The following MYRIP variants were observed in gnomAD, a reference collection of about 807,000 sequenced individuals.
MYRIP encodes myosin VIIA and Rab interacting protein.
In MYRIP, 49 loss-of-function variants were observed where a neutral mutation model predicts 98.0. That is an observed-to-expected ratio of 0.50 (90% confidence interval 0.40 to 0.63). The LOEUF (loss-of-function observed/expected upper bound fraction) is 0.63, where lower values mean the gene tolerates loss of function less well. Ranked by LOEUF, MYRIP falls within the 30% of genes least tolerant of loss-of-function variation. The probability of loss-of-function intolerance (pLI) is 0.00; values close to 1 mark genes in which losing one functional copy is unlikely to be tolerated. For synonymous variants in MYRIP, 404 were observed against 409.5 expected, an observed-to-expected ratio of 0.99 and a Z score of 0.16; for missense variants, 1,004 against 1,058.2, an observed-to-expected ratio of 0.95 and a Z score of 0.71.
chr3:40,021,340 A>G (rs557488043), intron 2 of MYRIP, among the ~76,000 whole-genome samples: 2 of 152,314 alleles, frequency 1.3e-5, no homozygotes, highest in South Asian at 4.1e-4. Flanking sequence ...GAGACTTGGC[A>G]TCTCTCCACA....
intron 1 of MYRIP, among the ~76,000 whole-genome samples, chr3:39,819,779 C>A (rs761285805): frequency 6.6e-6 from 1 of 152,200 alleles, no homozygotes; most frequent in African/African-American, 2.4e-5. Context: ...TTCCAACTTA[C>A]CCTGAGGATG....
chr3:40,077,143 G>C (rs1252948587), intron 3 of MYRIP, among the ~76,000 whole-genome samples: 1 of 152,092 alleles, frequency 6.6e-6, no homozygotes, highest in Admixed American at 6.5e-5. Flanking sequence ...GGTCTCGCTG[G>C]CTTCAGGAGT....
At chr3:40,135,167 C>T (rs899751703) in intron 3 of MYRIP, among the ~76,000 whole-genome samples, 2 of 152,102 alleles carry the variant, frequency 1.3e-5, no homozygotes, top group Admixed American at 6.6e-5. Context: ...ACTAGAATAA[C>T]CAATGCAGAG....
chr3:39,990,855 C>A (rs1946156852), intron 2 of MYRIP, among the ~76,000 whole-genome samples: 1 of 152,144 alleles, frequency 6.6e-6, no homozygotes, highest in African/African-American at 2.4e-5. Flanking sequence ...TTTGCAGGAA[C>A]ATGGATGAAG....
intron 1 of MYRIP, among the ~76,000 whole-genome samples, chr3:39,820,943 T>C (rs140607992): frequency 6.2e-4 from 95 of 152,244 alleles, no homozygotes; most frequent in African/African-American, 2.2e-3. Flanking sequence ...ATCCACTTTC[T>C]GCTTGGGTTG....
intron 11 of MYRIP, among the ~76,000 whole-genome samples, chr3:40,232,260 G>A (rs1306939216): frequency 2.6e-5 from 4 of 152,208 alleles, no homozygotes; most frequent in Non-Finnish European, 5.9e-5. Context: ...GGAGCCCTCT[G>A]GCACATGTGT....
intron 2 of MYRIP, among the ~76,000 whole-genome samples, chr3:39,972,493 A>C (rs1450717919): frequency 6.6e-6 from 1 of 152,110 alleles, no homozygotes; most frequent in Non-Finnish European, 1.5e-5. Context: ...TACTTTTAAA[A>C]ATAATAAACA....
rs1003830631 is a variant in MYRIP at position 40,216,428 on chromosome 3, C to G, written c.1905+6335C>G. On this transcript the variant is annotated intron_variant, in intron 11 of 16. Coordinates refer to ENST00000302541, the MANE Select transcript of MYRIP (RefSeq NM_015460.4). ...AAGATTGTGCTCTTGGAAAACATCT[C>G]TGGGTAGAAAATATAAAAACTAAAG... 2.6e-5 allele frequency among the ~76,000 whole-genome samples: 4 copies of G among 152,144 alleles called. No homozygotes were observed. The East Asian group carries it at 7.7e-4, about 29-fold the overall frequency.
chr3:40,088,213 A>C (rs1948668308), intron 3 of MYRIP, among the ~76,000 whole-genome samples: 1 of 151,968 alleles, frequency 6.6e-6, no homozygotes, highest in African/African-American at 2.4e-5. Context: ...AGATGTTGGA[A>C]CTCATCAGTC....
intron 9 of MYRIP, among the ~76,000 whole-genome samples, chr3:40,188,808 G>C (rs945469440): frequency 6.6e-6 from 1 of 151,564 alleles, no homozygotes; most frequent in African/African-American, 2.4e-5. Context: ...GTTGGCAACT[G>C]CTGTGCCTGA....
At chr3:39,986,065 G>T (rs770127648) in intron 2 of MYRIP, among the ~76,000 whole-genome samples, 2 of 152,128 alleles carry the variant, frequency 1.3e-5, no homozygotes, top group South Asian at 4.1e-4. Flanking sequence ...CTCATCTGAC[G>T]TAAGGAAAGT....
At chr3:40,111,300 G>A (rs1001167399) in intron 3 of MYRIP, among the ~76,000 whole-genome samples, 2 of 152,174 alleles carry the variant, frequency 1.3e-5, no homozygotes, top group African/African-American at 2.4e-5. Context: ...TTTCCCTAGA[G>A]TAGAAAACAA....
In MYRIP at chr3:40,234,008, A is replaced by G. The variant is rs751679040; in HGVS notation, c.2055A>G (p.Thr685=). 2 of 1,610,054 alleles carry G rather than the reference A, an allele frequency of 1.2e-6. No individual in the cohort carries two copies. The highest frequency in any genetic ancestry group is 1.7e-6 in the Non-Finnish European group (2 of 1,178,968). Reference sequence around the variant, plus strand: ...AGAAGGGGATGTTTCCTCGTGGGACAGACCAAGTGAGACTGGATGAGCAGC... The same window carrying G: ...AGAAGGGGATGTTTCCTCGTGGGACGGACCAAGTGAGACTGGATGAGCAGC... The part of the protein sequence containing the change: ...DRQKGMFPRG[T]DQVRLDEQLT... Residue 685 remains threonine, a synonymous_variant, in exon 12 of 17, where the codon ACA becomes ACG. Transcript: ENST00000302541.
intron 1 of MYRIP, among the ~76,000 whole-genome samples, chr3:39,837,747 A>G (rs1198027702): frequency 6.6e-6 from 1 of 152,100 alleles, no homozygotes; most frequent in Non-Finnish European, 1.5e-5. Flanking sequence ...TTCTAATTTT[A>G]TGAAGAAAGC....
chr3:39,827,237 T>C (rs1021376550), intron 1 of MYRIP, among the ~76,000 whole-genome samples: 8 of 152,114 alleles, frequency 5.3e-5, no homozygotes, highest in African/African-American at 1.9e-4. Context: ...CTCAACCTCC[T>C]CACTAGCTAA....
At chr3:39,872,640 A>G (rs1414977388) in intron 1 of MYRIP, among the ~76,000 whole-genome samples, 2 of 151,770 alleles carry the variant, frequency 1.3e-5, no homozygotes, top group Non-Finnish European at 2.9e-5. Context: ...TTCCAATTTC[A>G]TCCATGTCCC....
chr3:39,862,865 A>C (rs1437756184), intron 1 of MYRIP, among the ~76,000 whole-genome samples: 1 of 152,210 alleles, frequency 6.6e-6, no homozygotes, highest in Admixed American at 6.5e-5. Context: ...CATGGTATGT[A>C]CTCTAAAATC....
intron 3 of MYRIP, among the ~76,000 whole-genome samples, chr3:40,090,366 T>G (rs1948718250): frequency 6.6e-6 from 1 of 152,042 alleles, no homozygotes; most frequent in South Asian, 2.1e-4. Context: ...GCATTAGGAC[T>G]CCCTAAGACA....
At chr3:40,020,674 C>G (rs1282458525) in intron 2 of MYRIP, among the ~76,000 whole-genome samples, 2 of 152,088 alleles carry the variant, frequency 1.3e-5, no homozygotes, top group African/African-American at 4.8e-5. Flanking sequence ...GTATATGCAC[C>G]CAGGAAGAAC....
Sources: allele counts gnomAD v4.1 joint callset (sites outside exome capture counted in the v4.1 genomes callset), GRCh38; gene constraint gnomAD v4.1.1; transcripts MANE v1.5; gene names NCBI Gene and HGNC (gene_info 2026-07-23, HGNC 2026-07-21).